XRCC4: variants seen among roughly 807,000 people sequenced by gnomAD.
XRCC4 encodes X-ray repair cross complementing 4, also known as DNA repair protein XRCC4.
A neutral mutation model predicts 39.1 loss-of-function variants in XRCC4; 28 were observed. The observed-to-expected ratio is 0.72, with a 90% CI of 0.53 to 0.98. XRCC4 has a LOEUF of 0.98. Ranked by LOEUF, XRCC4 falls within the 50% of genes least tolerant of loss-of-function variation. XRCC4 has a pLI of 0.00. For synonymous variants in XRCC4, 123 were observed against 126.4 expected, an observed-to-expected ratio of 0.97 and a Z score of 0.18; for missense variants, 350 against 376.4, an observed-to-expected ratio of 0.93 and a Z score of 0.58.
At chr5:83,250,411 A>C (rs193117813) in intron 6 of XRCC4, among the ~76,000 whole-genome samples, 1 of 152,300 alleles carries the variant, frequency 6.6e-6, no homozygotes, top group Admixed American at 6.5e-5. Flanking sequence ...AGGTTCCATT[A>C]GTATTTAAGA....
chr5:83,106,627 A>G (rs1482471878), intron 2 of XRCC4, among the ~76,000 whole-genome samples: 2 of 151,974 alleles, frequency 1.3e-5, no homozygotes, highest in East Asian at 3.9e-4. Context: ...TTAACCAGAA[A>G]TGTAAGAACC....
chr5:83,310,950 C>T, intron 7 of XRCC4: 2 of 426,396 alleles, frequency 4.7e-6, no homozygotes, highest in South Asian at 1.7e-5. Context: ...CTGATCTTCC[C>T]TTCGAGCCTC....
At chr5:83,294,482 C>T (rs1006105920) in intron 7 of XRCC4, among the ~76,000 whole-genome samples, 3 of 152,022 alleles carry the variant, frequency 2.0e-5, no homozygotes. Flanking sequence ...GTCAGTTAAA[C>T]TTCGGTGAAC....
At chr5:83,371,244 C>G in the XRCC4 span, among the ~76,000 whole-genome samples, 1 of 152,200 alleles carries the variant, frequency 6.6e-6, no homozygotes, top group East Asian at 1.9e-4. Flanking sequence ...CTGTTACTGA[C>G]TTTCCAAATC....
chr5:83,105,836 A>G (rs1746171745), intron 2 of XRCC4, among the ~76,000 whole-genome samples: 1 of 152,124 alleles, frequency 6.6e-6, no homozygotes, highest in Admixed American at 6.5e-5. Context: ...TTTACATACT[A>G]TTTATATCTT....
At position 83,111,124 on chromosome 5, in the gene XRCC4, G is replaced by A; in HGVS notation, c.236G>A (p.Gly79Glu). The A allele has an allele frequency of 1.2e-6, 2 of 1,611,234 alleles. No homozygotes were observed. Among genetic ancestry groups the A allele is most frequent in the East Asian group, 2.2e-5 (1 of 44,562 alleles). The change falls in exon 3 of 8, where the codon GGA becomes GAA. Residue 79 changes from glycine to glutamate, a missense_variant. Coordinates refer to ENST00000396027, the MANE Select transcript of XRCC4 (RefSeq NM_003401.5). ...ELRKALLSGA[G>E]PADVYTFNFS... is the part of the protein sequence containing the mutation. ...AGAAAAGCATTGTTGTCAGGAGCAGGACCAGCTGATGTATACACGTTTAAT... is the reference window on the plus strand; with the variant it reads ...AGAAAAGCATTGTTGTCAGGAGCAGAACCAGCTGATGTATACACGTTTAAT...
intron 2 of XRCC4, among the ~76,000 whole-genome samples, chr5:83,108,806 A>C (rs1746317009): frequency 6.6e-6 from 1 of 151,568 alleles, no homozygotes; most frequent in Non-Finnish European, 1.5e-5. Flanking sequence ...ACATAATGCA[A>C]ACACAAAATA....
At chr5:83,236,111 G>T (rs1296568255) in intron 6 of XRCC4, among the ~76,000 whole-genome samples, 1 of 151,978 alleles carries the variant, frequency 6.6e-6, no homozygotes, top group East Asian at 1.9e-4. Flanking sequence ...CATGGCTTGC[G>T]AGAATCAATA....
chr5:83,270,931 G>T (rs377687242), intron 7 of XRCC4, among the ~76,000 whole-genome samples: 12 of 151,660 alleles, frequency 7.9e-5, no homozygotes, highest in African/African-American at 2.9e-4. Flanking sequence ...GATCATAGGC[G>T]CCCGCCACCA....
intron 7 of XRCC4, among the ~76,000 whole-genome samples, chr5:83,309,689 G>A (rs111478873): frequency 9.0e-5 from 13 of 145,060 alleles, no homozygotes; most frequent in Admixed American, 8.7e-4. Flanking sequence ...GCGTGAACCC[G>A]GGAGGCGGAG....
chr5:83,090,942 G>T (rs1473780844), intron 1 of XRCC4, among the ~76,000 whole-genome samples: 1 of 152,034 alleles, frequency 6.6e-6, no homozygotes, highest in African/African-American at 2.4e-5. Context: ...GTGATATTAT[G>T]ATTTTGAATG....
chr5:83,089,012 A>G (rs1745303589), intron 1 of XRCC4, among the ~76,000 whole-genome samples: 1 of 152,186 alleles, frequency 6.6e-6, no homozygotes, highest in South Asian at 2.1e-4. Flanking sequence ...CAATAAGGTA[A>G]TTTAAAGATA....
At chr5:83,348,340 T>C (rs1431309302) in intron 7 of XRCC4, among the ~76,000 whole-genome samples, 1 of 152,232 alleles carries the variant, frequency 6.6e-6, no homozygotes, top group African/African-American at 2.4e-5. Context: ...TGGACATCCA[T>C]GCATTTCCAT....
At chr5:83,277,939 A>G (rs957876374) in intron 7 of XRCC4, among the ~76,000 whole-genome samples, 2 of 152,268 alleles carry the variant, frequency 1.3e-5, no homozygotes, top group Non-Finnish European at 2.9e-5. Flanking sequence ...AAAGAAAACA[A>G]TATCTTGTTT....
At chr5:83,218,974 T>C (rs1454356109) in intron 6 of XRCC4, among the ~76,000 whole-genome samples, 5 of 152,066 alleles carry the variant, frequency 3.3e-5, no homozygotes, top group African/African-American at 1.2e-4. Context: ...AACAGAAATA[T>C]ATTTACTCAC....
intron 3 of XRCC4, among the ~76,000 whole-genome samples, chr5:83,145,097 G>C (rs779519194): frequency 3.3e-5 from 5 of 151,994 alleles, no homozygotes; most frequent in Admixed American, 6.6e-5. Flanking sequence ...TGGTTTCACC[G>C]TGTTAGCCAG....
At chr5:83,091,878 A>G (rs182702177) in intron 1 of XRCC4, among the ~76,000 whole-genome samples, 30 of 152,318 alleles carry the variant, frequency 2.0e-4, no homozygotes, top group African/African-American at 7.2e-4. Context: ...GTAAATACTC[A>G]GAAGTGGGAT....
chr5:83,209,114 GTGT>G, intron 6 of XRCC4, among the ~76,000 whole-genome samples: 1 of 151,534 alleles, frequency 6.6e-6, no homozygotes, highest in South Asian at 2.1e-4. Flanking sequence ...GTGTGTGTGT[GTGT>G]GTGTGAATTT....
At chr5:83,232,909 G>A (rs1388166421) in intron 6 of XRCC4, among the ~76,000 whole-genome samples, 3 of 152,022 alleles carry the variant, frequency 2.0e-5, no homozygotes, top group East Asian at 1.9e-4. Flanking sequence ...TAAGTAATTC[G>A]TGCAAGGTTA....
Sources: gnomAD v4.1 joint callset for allele counts (sites outside exome capture counted in the v4.1 genomes callset) on GRCh38, gnomAD v4.1.1 for gene constraint, MANE v1.5 for transcripts, NCBI Gene and HGNC (gene_info 2026-07-23, HGNC 2026-07-21) for gene names.